The following NFIA variants were observed in gnomAD, a reference collection of about 807,000 sequenced individuals.
The protein encoded by NFIA is nuclear factor 1 A-type.
In NFIA, 8 loss-of-function variants were observed where a neutral mutation model predicts 62.8. The observed-to-expected ratio is 0.13, with a 90% CI of 0.07 to 0.23. The LOEUF (loss-of-function observed/expected upper bound fraction) is 0.23, where lower values mean the gene tolerates loss of function less well. NFIA is among the 10% of genes least tolerant of loss of function. The pLI is 1.00. For missense variants in NFIA, 410 were observed against 642.1 expected (o/e 0.64, Z 3.91); for synonymous variants, 235 against 238.1 (o/e 0.99, Z 0.12).
At chr1:61,340,237 C>T (rs1334056956) in intron 4 of NFIA, among the ~76,000 whole-genome samples, 1 of 152,186 alleles carries the variant, frequency 6.6e-6, no homozygotes, top group African/African-American at 2.4e-5. Context: ...AATGTGTTGT[C>T]ATGGTCTCTA....
At chr1:61,096,804 G>C (rs1296371005) in intron 2 of NFIA, among the ~76,000 whole-genome samples, 1 of 151,640 alleles carries the variant, frequency 6.6e-6, no homozygotes, top group African/African-American at 2.4e-5. Context: ...GCCCACCTCG[G>C]CCTCTCAAAA....
upstream of NFIA, among the ~76,000 whole-genome samples, chr1:61,078,829 A>G (rs1646062628): frequency 6.6e-6 from 1 of 152,202 alleles, no homozygotes; most frequent in Non-Finnish European, 1.5e-5. Flanking sequence ...TGACTTGCTA[A>G]CTGTTAGTTG....
intron 2 of NFIA, among the ~76,000 whole-genome samples, chr1:61,125,518 AT>A (rs1646952996): frequency 6.6e-6 from 1 of 152,232 alleles, no homozygotes; most frequent in Non-Finnish European, 1.5e-5. Context: ...AGCCTAACAA[AT>A]TCTATTCAGA....
At chr1:61,256,011 G>A (rs1570462097) in intron 2 of NFIA, among the ~76,000 whole-genome samples, 1 of 152,114 alleles carries the variant, frequency 6.6e-6, no homozygotes, top group East Asian at 1.9e-4. Context: ...GTTTAGTCCA[G>A]GCATGTCCAA....
chr1:61,397,184 A>G (rs1230113475), intron 7 of NFIA, among the ~76,000 whole-genome samples: 1 of 152,116 alleles, frequency 6.6e-6, no homozygotes, highest in African/African-American at 2.4e-5. Context: ...AAAGGCAGGA[A>G]TTCACAGTAT....
intron 2 of NFIA, among the ~76,000 whole-genome samples, chr1:61,230,640 A>G (rs1429254513): frequency 6.6e-6 from 1 of 152,160 alleles, no homozygotes. Context: ...TTCTGAAATA[A>G]CAACTATTGC....
At chr1:61,145,611 G>A (rs1001465866) in intron 2 of NFIA, among the ~76,000 whole-genome samples, 1 of 152,272 alleles carries the variant, frequency 6.6e-6, no homozygotes, top group Admixed American at 6.5e-5. Context: ...TCACACATGG[G>A]CATGTGTGTA....
chr1:61,144,185 A>G (rs927513327), intron 2 of NFIA, among the ~76,000 whole-genome samples: 1 of 152,222 alleles, frequency 6.6e-6, no homozygotes. Context: ...CAGTGGCATT[A>G]GCATAACATG....
intron 2 of NFIA, among the ~76,000 whole-genome samples, chr1:61,180,191 T>C (rs929344138): frequency 1.3e-5 from 2 of 152,224 alleles, no homozygotes; most frequent in Middle Eastern, 3.4e-3. Flanking sequence ...CCACCCCAGT[T>C]AGCCCCTGGC....
At chr1:61,271,626 C>T (rs1657512188) in intron 2 of NFIA, among the ~76,000 whole-genome samples, 1 of 152,164 alleles carries the variant, frequency 6.6e-6, no homozygotes, top group African/African-American at 2.4e-5. Context: ...GAACACAGAC[C>T]TTGCTCCCTG....
chr1:61,083,211 G>C (rs1448666303), intron 1 of NFIA, among the ~76,000 whole-genome samples: 4 of 152,078 alleles, frequency 2.6e-5, no homozygotes, highest in Non-Finnish European at 5.9e-5. Flanking sequence ...CAGCGTTTCT[G>C]CTGCCGGGAG....
At chr1:61,297,757 TCTAA>T (rs1659265311) in intron 3 of NFIA, among the ~76,000 whole-genome samples, 1 of 152,144 alleles carries the variant, frequency 6.6e-6, no homozygotes, top group African/African-American at 2.4e-5. Context: ...TGCTAAGTGC[TCTAA>T]CTGTGAAACA....
intron 5 of NFIA, among the ~76,000 whole-genome samples, chr1:61,358,747 G>A (rs1202334704): frequency 6.6e-6 from 1 of 152,130 alleles, no homozygotes; most frequent in Non-Finnish European, 1.5e-5. Flanking sequence ...TGAGGTTCCA[G>A]CAGGGATTAA....
chr1:61,381,633 A>T lies in NFIA; in HGVS notation c.947-1604A>T, dbSNP rs539654232. 5.3e-5 allele frequency among the ~76,000 whole-genome samples: 8 copies of T among 152,282 alleles called. No homozygotes were observed. The South Asian group carries it at 1.5e-3, about 28-fold the overall frequency. ...TTTTCAATTTTTCTTTCTTGGGGTG[A>T]AAATTCTAAGCTTTGCTATGTTTAA... On this transcript the variant is annotated intron_variant, in intron 6 of 10. Coordinates refer to ENST00000403491, the MANE Select transcript of NFIA (RefSeq NM_001134673.4).
intron 2 of NFIA, among the ~76,000 whole-genome samples, chr1:61,128,905 GCTTA>G (rs1647022321): frequency 7.5e-6 from 1 of 132,848 alleles, no homozygotes; most frequent in Non-Finnish European, 1.6e-5. Flanking sequence ...CAATGGTGAT[GCTTA>G]CTTATGTTTT....
At chr1:61,443,122 G>A (rs540835273) in intron 10 of NFIA, among the ~76,000 whole-genome samples, 13 of 152,262 alleles carry the variant, frequency 8.5e-5, no homozygotes, top group South Asian at 4.2e-4. Context: ...TAGCATGCTC[G>A]TGCTATTATT....
chr1:61,148,411 C>A (rs1216798057), intron 2 of NFIA, among the ~76,000 whole-genome samples: 1 of 152,126 alleles, frequency 6.6e-6, no homozygotes, highest in Non-Finnish European at 1.5e-5. Context: ...CTTTGTCTGG[C>A]TAATTCCCGC....
intron 4 of NFIA, among the ~76,000 whole-genome samples, 159 bp from the exon 5 acceptor site, chr1:61,352,291 T>C (rs542867976): frequency 6.6e-6 from 1 of 152,340 alleles, no homozygotes; most frequent in East Asian, 1.9e-4. Context: ...CTATTTTTAG[T>C]CAATATTCCT....
chr1:61,359,528 A>G (rs1663168640), intron 6 of NFIA, among the ~76,000 whole-genome samples: 1 of 151,902 alleles, frequency 6.6e-6, no homozygotes, highest in South Asian at 2.1e-4. Context: ...TTTCCCCTAC[A>G]CCACAATCCA....
Sources: allele counts gnomAD v4.1 joint callset (sites outside exome capture counted in the v4.1 genomes callset), GRCh38; gene constraint gnomAD v4.1.1; transcripts MANE v1.5; gene names NCBI Gene and HGNC (gene_info 2026-07-23, HGNC 2026-07-21).